The following CHIC2 variants were observed in gnomAD, a reference collection of about 807,000 sequenced individuals.
CHIC2 encodes cysteine rich hydrophobic domain 2.
Under a neutral mutation model 25.9 loss-of-function variants are expected in CHIC2, and 14 were observed. The observed-to-expected ratio is 0.54, with a 90% confidence interval of 0.36 to 0.85. CHIC2 has a LOEUF of 0.85. Ranked by LOEUF, CHIC2 falls within the 40% of genes least tolerant of loss-of-function variation. The pLI, the probability that CHIC2 is intolerant of heterozygous loss-of-function variation, is 0.01. For missense variants in CHIC2, 146 were observed against 202.0 expected (o/e 0.72, Z 1.68); for synonymous variants, 70 against 72.0 (o/e 0.97, Z 0.14).
chr4:54,022,596 C>T (rs1164481138), intron 3 of CHIC2, among the ~76,000 whole-genome samples: 1 of 152,090 alleles, frequency 6.6e-6, no homozygotes, highest in African/African-American at 2.4e-5. Flanking sequence ...TATCTGCTTC[C>T]CTGACTATTC....
chr4:54,034,404 C>CA (rs34526100), intron 3 of CHIC2, among the ~76,000 whole-genome samples: 52 of 145,432 alleles, frequency 3.6e-4, no homozygotes, highest in Admixed American at 1.9e-3. Flanking sequence ...AACTCTGTCT[C>CA]AAAAAAAAAA....
In CHIC2 at chr4:54,019,370, C is replaced by T. The variant is rs561840968; in HGVS notation, c.331-5251G>A. ...TAAATAATCTAGATATATTAAAACA[C>T]CCACTGAAGTATCATGTGCTATTTG... is the stretch of plus-strand genomic sequence containing the variant. On this transcript the variant is annotated intron_variant, in intron 3 of 5. Coordinates refer to ENST00000263921, the MANE Select transcript of CHIC2 (RefSeq NM_012110.4). Among the ~76,000 whole-genome samples the T allele has an allele frequency of 2.0e-5, 3 of 152,092 alleles. No individual in the cohort carries two copies. The South Asian group carries it at 6.2e-4, about 32-fold the overall frequency.
the CHIC2 span, among the ~76,000 whole-genome samples, chr4:54,090,624 A>G: frequency 6.6e-6 from 1 of 152,200 alleles, no homozygotes; most frequent in Non-Finnish European, 1.5e-5. Flanking sequence ...ACTGAGTGCT[A>G]AGTATGTGCA....
chr4:54,014,739 G>A (rs1673732826), intron 3 of CHIC2, among the ~76,000 whole-genome samples: 1 of 152,086 alleles, frequency 6.6e-6, no homozygotes, highest in Non-Finnish European at 1.5e-5. Context: ...TACTGTTTCA[G>A]GAATCAACTG....
At chr4:54,060,523 G>C (rs1218967406) in intron 1 of CHIC2, 1 of 152,140 alleles carries the variant, frequency 6.6e-6, no homozygotes, top group East Asian at 1.9e-4. Context: ...TCTGATACAA[G>C]AAGGGTAGAA....
chr4:54,026,303 T>C (rs1716055697), intron 3 of CHIC2, among the ~76,000 whole-genome samples: 1 of 152,030 alleles, frequency 6.6e-6, no homozygotes, highest in African/African-American at 2.4e-5. Flanking sequence ...ATGGATCACT[T>C]GAGGTCAGGA....
At chr4:54,038,709 T>C (rs1716468837) in intron 3 of CHIC2, among the ~76,000 whole-genome samples, 2 of 152,094 alleles carry the variant, frequency 1.3e-5, no homozygotes, top group African/African-American at 4.8e-5. Context: ...TCAATATACC[T>C]GATTTCAAAA....
Position 54,049,321 on chromosome 4 carries a change from A to C in CHIC2, c.120-16T>G. ...CAGTCCAAATCTATTTTAAAAAATA[A>C]GAAGAATATGTTATTACATGTTATT... On this transcript the variant is annotated splice_polypyrimidine_tract_variant and intron_variant, in intron 1 of 5. Transcript: ENST00000263921. 6.5e-7 allele frequency: 1 copy of C among 1,530,074 alleles called. No homozygotes were observed. The highest frequency in any genetic ancestry group is 9.0e-7 in the Non-Finnish European group (1 of 1,115,296). The allele number at this position is 1,530,074 out of a possible 1,614,324, so 94.8% of individuals were successfully genotyped here.
chr4:54,089,363 C>G, the CHIC2 span, among the ~76,000 whole-genome samples: 1,011 of 150,458 alleles, frequency 6.7e-3, 13 homozygotes, highest in African/African-American at 0.024. Flanking sequence ...TTCAAGGCTA[C>G]AGTGAGCTAT....
At chr4:54,027,683 A>T (rs1410021491) in intron 3 of CHIC2, among the ~76,000 whole-genome samples, 1 of 152,214 alleles carries the variant, frequency 6.6e-6, no homozygotes, top group Non-Finnish European at 1.5e-5. Context: ...AGGGCTAGAT[A>T]AAGAAAACCC....
At chr4:54,088,841 A>G in the CHIC2 span, among the ~76,000 whole-genome samples, 1 of 152,312 alleles carries the variant, frequency 6.6e-6, no homozygotes, top group East Asian at 1.9e-4. Context: ...TTGAAGTTAA[A>G]GCCTTCAGGA....
chr4:54,073,726 A>G, the CHIC2 span, among the ~76,000 whole-genome samples: 1 of 152,226 alleles, frequency 6.6e-6, no homozygotes, highest in South Asian at 2.1e-4. Flanking sequence ...TTTTGGGGCA[A>G]TTGGTTATGT....
the CHIC2 span, among the ~76,000 whole-genome samples, chr4:54,090,342 C>A: frequency 4.3e-3 from 660 of 152,182 alleles, 7 homozygotes; most frequent in Middle Eastern, 0.014. Context: ...TGTACCACCA[C>A]GCTGGCTAAT....
At chr4:54,083,066 C>T in the CHIC2 span, among the ~76,000 whole-genome samples, 10 of 97,924 alleles carry the variant, frequency 1.0e-4, no homozygotes, top group Admixed American at 5.4e-4. Flanking sequence ...TGCTCTATTG[C>T]CCAGGCTGGA....
In CHIC2 at chr4:54,064,195, C is replaced by T; in HGVS notation, c.106G>A (p.Gly36Ser). 6.2e-7 allele frequency: 1 copy of T among 1,603,810 alleles called. No individual in the cohort carries two copies. Among genetic ancestry groups the T allele is most frequent in the Non-Finnish European group, 8.5e-7 (1 of 1,175,358 alleles). ...SPDPVVVRGS[G>S]HVTVFGLSNK... ...TCCGGGCCTTACACGGTGACGTGAC[C>T]GGAGCCGCGGACGACCACCGGGTCC... is the stretch of plus-strand genomic sequence containing the variant. Residue 36 changes from glycine (G) to serine (S), a missense_variant, in exon 1 of 6, where the codon GGT becomes AGT. Gly to Ser is a moderately conservative substitution (Grantham distance 56). Coordinates refer to ENST00000263921, the MANE Select transcript of CHIC2 (RefSeq NM_012110.4). This position sits in a 1 kb window ranked among gnomAD's most constrained non-coding sequence, Gnocchi z 4.2.
upstream of CHIC2, among the ~76,000 whole-genome samples, chr4:54,067,215 T>G (rs1312002894): frequency 6.6e-6 from 1 of 152,202 alleles, no homozygotes; most frequent in Non-Finnish European, 1.5e-5. Context: ...GAGAGATCTT[T>G]GTAACTCCCA....
chr4:54,084,153 A>G, the CHIC2 span, among the ~76,000 whole-genome samples: 1 of 152,158 alleles, frequency 6.6e-6, no homozygotes. Context: ...ATTGATGGCT[A>G]TGGTTAGGTG....
At chr4:54,058,595 C>CA (rs1553887483) in intron 1 of CHIC2, among the ~76,000 whole-genome samples, 3 of 147,850 alleles carry the variant, frequency 2.0e-5, no homozygotes, top group Non-Finnish European at 4.5e-5. Flanking sequence ...CACACACACA[C>CA]AATCTTACAC....
chr4:54,067,511 C>G (rs1717541544), upstream of CHIC2, among the ~76,000 whole-genome samples: 1 of 152,096 alleles, frequency 6.6e-6, no homozygotes, highest in African/African-American at 2.4e-5. Context: ...AAACTCCTCC[C>G]CCAATTTCTT....
Sources: gnomAD v4.1 joint callset for allele counts (sites outside exome capture counted in the v4.1 genomes callset) on GRCh38, gnomAD v4.1.1 for gene constraint, Gnocchi (gnomAD v3.1) non-coding constraint, MANE v1.5 for transcripts, NCBI Gene and HGNC (gene_info 2026-07-23, HGNC 2026-07-21) for gene names.